Variants in UGT1A1 observed in about 807,000 individuals in gnomAD.
UGT1A1 encodes the protein UDP glucuronosyltransferase family 1 member A1.
Under a neutral mutation model 40.6 loss-of-function variants are expected in UGT1A1, and 33 were observed. That is an observed-to-expected ratio of 0.81 (90% CI 0.62 to 1.09). UGT1A1 has a LOEUF of 1.09. UGT1A1 is among the 50% of genes least tolerant of loss of function. UGT1A1 has a pLI of 0.00. For missense variants in UGT1A1, 694 were observed against 671.2 expected (o/e 1.03, Z -0.38); for synonymous variants, 249 against 265.0 (o/e 0.94, Z 0.59).
In UGT1A1 at chr2:233,760,964, T is replaced by C. The variant is rs1355767569; in HGVS notation, c.677T>C (p.Val226Ala). ...TCACAGAACTTTCTGTGCGACGTGGTTTATTCCCCGTATGCAACCCTTGCC... is the reference window on the plus strand; with the variant it reads ...TCACAGAACTTTCTGTGCGACGTGGCTTATTCCCCGTATGCAACCCTTGCC... ...AFSQNFLCDV[V>A]YSPYATLASE... The change falls in exon 1 of 5, where the codon GTT (valine) becomes GCT (alanine). Residue 226 changes from valine to alanine, a missense_variant. Coordinates refer to ENST00000305208, the MANE Select transcript of UGT1A1 (RefSeq NM_000463.3). The C allele has an allele frequency of 6.2e-7, 1 of 1,614,182 alleles. No individual in the cohort carries two copies. Among genetic ancestry groups the C allele is most frequent in the East Asian group, 2.2e-5 (1 of 44,880 alleles).
intron 1 of UGT1A1, among the ~76,000 whole-genome samples, chr2:233,764,916 G>T (rs906085592): frequency 6.6e-6 from 1 of 152,212 alleles, no homozygotes; most frequent in Non-Finnish European, 1.5e-5. Flanking sequence ...GAGGACTCAC[G>T]AGGGCCTGGG....
In UGT1A1 at chr2:233,767,938, T is replaced by G. The variant is rs779261748; in HGVS notation, c.1084+2T>G. The G allele has an allele frequency of 6.2e-7, 1 of 1,614,194 alleles. No individual in the cohort carries two copies. Among genetic ancestry groups the G allele is most frequent in the South Asian group, 1.1e-5 (1 of 91,090 alleles). ...GGCTACCCCAAAACGATCTGCTTGG[T>G]ATGTTGGGCGGATTGGATGTATAGG... On this transcript the variant is annotated splice_donor_variant, in intron 3 of 4. Transcript: ENST00000305208. LOFTEE classifies it high-confidence loss of function.
At position 233,769,432 on chromosome 2, in the gene UGT1A1, C is replaced by T; in HGVS notation, c.1304+993C>T. On this transcript the variant is annotated intron_variant, in intron 4 of 4. Transcript: ENST00000305208. The surrounding 1 kb of genome is among the most constrained non-coding windows in gnomAD (Gnocchi z 4.4). Reference sequence around the variant, plus strand: ...GTGCGTTTGTGCATGTGGCTGTGCTCATGTGTGGGTGCACACGTGTGCATT... The same window carrying T: ...GTGCGTTTGTGCATGTGGCTGTGCTTATGTGTGGGTGCACACGTGTGCATT... 2 of 1,545,990 alleles carry T rather than the reference C, an allele frequency of 1.3e-6. No homozygotes were observed. The highest frequency in any genetic ancestry group is 1.8e-6 in the Non-Finnish European group (2 of 1,125,632).
Position 233,772,243 on chromosome 2 carries a change from A to G in UGT1A1, c.1305-19A>G, listed in dbSNP as rs763747891. The stretch of plus-strand genomic sequence containing the variant: ...TACCACAGGTGTTCCAGGCATAACG[A>G]AACTGTCTTTGTGTTTAGTTACAAG... On this transcript the variant is annotated intron_variant, in intron 4 of 4. Coordinates refer to ENST00000305208, the MANE Select transcript of UGT1A1 (RefSeq NM_000463.3). 2 of 1,614,184 alleles carry G rather than the reference A, an allele frequency of 1.2e-6. No homozygotes were observed. The highest frequency in any genetic ancestry group is 1.7e-6 in the Non-Finnish European group (2 of 1,180,028).
rs192933567 is a variant in UGT1A1, at chr2:233,772,247, T to G, written c.1305-15T>G. On this transcript the variant is annotated splice_polypyrimidine_tract_variant and intron_variant, in intron 4 of 4. Transcript: ENST00000305208. ...ACAGGTGTTCCAGGCATAACGAAAC[T>G]GTCTTTGTGTTTAGTTACAAGGAGA... The G allele has an allele frequency of 2.9e-5, 47 of 1,614,208 alleles. No homozygotes were observed. The East Asian group carries it at 1.0e-3, about 35-fold the overall frequency.
Position 233,768,459 on chromosome 2 carries a change from A to G in UGT1A1, c.1304+20A>G, listed in dbSNP as rs746261768. ...CAAAAGGTAAGAAAGAAGATACAGA[A>G]GAATACTTTGGTCATGGCATTCATG... On this transcript the variant is annotated intron_variant, in intron 4 of 4. Transcript: ENST00000305208. 1.1e-5 allele frequency: 17 copies of G among 1,609,762 alleles called. No homozygotes were observed. In the South Asian group the frequency reaches 1.9e-4, roughly 18 times the overall value.
In UGT1A1 at chr2:233,768,384, G is replaced by A; in HGVS notation, c.1249G>A (p.Glu417Lys). 2 of 1,614,136 alleles carry A rather than the reference G, an allele frequency of 1.2e-6. No individual in the cohort carries two copies. Among genetic ancestry groups the A allele is most frequent in the Non-Finnish European group, 1.7e-6 (2 of 1,180,028 alleles). ...KGAGVTLNVLEMTSEDLENAL... is the reference protein window; with the variant it reads ...KGAGVTLNVLKMTSEDLENAL... ...AGCTGGAGTGACCCTGAATGTTCTGGAAATGACTTCTGAAGATTTAGAAAA... is the reference window on the plus strand; with the variant it reads ...AGCTGGAGTGACCCTGAATGTTCTGAAAATGACTTCTGAAGATTTAGAAAA... The change falls in exon 4 of 5, where the codon GAA becomes AAA. Residue 417 changes from glutamate (E) to lysine (K), a missense_variant. By Grantham distance (56) the Glu-to-Lys change is moderately conservative. Transcript: ENST00000305208.
rs375883067 is a variant in UGT1A1 at position 233,767,172 on chromosome 2, A to C, written c.996+7A>C. ...GGGCAAAATCCCTCAGACAGTAAGA[A>C]GATTCTATACCATGGCCTCATATCT... On this transcript the variant is annotated splice_region_variant and intron_variant, in intron 2 of 4. Coordinates refer to ENST00000305208, the MANE Select transcript of UGT1A1 (RefSeq NM_000463.3). 4 of 1,613,980 alleles carry C rather than the reference A, an allele frequency of 2.5e-6. No individual in the cohort carries two copies. In the African/African-American group the frequency reaches 5.3e-5, roughly 22 times the overall value.
chr2:233,760,974 G>C lies in UGT1A1; in HGVS notation c.687G>C (p.Pro229=). Residue 229 remains proline, a synonymous_variant, in exon 1 of 5, where the codon CCG becomes CCC. Coordinates refer to ENST00000305208, the MANE Select transcript of UGT1A1 (RefSeq NM_000463.3). ...TTCTGTGCGACGTGGTTTATTCCCC[G>C]TATGCAACCCTTGCCTCAGAATTCC... ...QNFLCDVVYS[P]YATLASEFLQ... 1 of 1,614,120 alleles carries C rather than the reference G, an allele frequency of 6.2e-7. No individual in the cohort carries two copies. The highest frequency in any genetic ancestry group is 8.5e-7 in the Non-Finnish European group (1 of 1,180,022).
rs2125987447 is a variant in UGT1A1 at position 233,760,740 on chromosome 2, C to T, written c.453C>T (p.Asp151=). The T allele has an allele frequency of 6.2e-7, 1 of 1,614,120 alleles. No homozygotes were observed. Among genetic ancestry groups the T allele is most frequent in the Non-Finnish European group, 8.5e-7 (1 of 1,179,994 alleles). Residue 151 remains aspartate (D), a synonymous_variant, in exon 1 of 5, where the codon GAC becomes GAT. Transcript: ENST00000305208. The stretch of plus-strand genomic sequence containing the variant: ...GCAGCTTTGATGTCATGCTGACGGA[C>T]CCTTTCCTTCCTTGCAGCCCCATCG... ...AESSFDVMLT[D]PFLPCSPIVA...
intron 2 of UGT1A1, 105 bp downstream of exon 2, chr2:233,767,270 C>T: frequency 6.3e-7 from 1 of 1,582,714 alleles, no homozygotes; most frequent in Non-Finnish European, 8.5e-7. Flanking sequence ...TTAGATTTGG[C>T]TTTTCCCTGC....
rs4148323 is a variant in UGT1A1, at chr2:233,760,498, G to A, written c.211G>A (p.Gly71Arg). The A allele has an allele frequency of 9.2e-3, 14,886 of 1,614,236 alleles. 811 individuals carry two copies. The East Asian group carries it at 0.16, about 18-fold the overall frequency. The change falls in exon 1 of 5, where the codon GGA becomes AGA. Residue 71 changes from glycine (G) to arginine (R), a missense_variant. By Grantham distance (125) the Gly-to-Arg change is moderately radical. Coordinates refer to ENST00000305208, the MANE Select transcript of UGT1A1 (RefSeq NM_000463.3). Reference sequence around the variant, plus strand: ...TGACGCCTCGTTGTACATCAGAGACGGAGCATTTTACACCTTGAAGACGTA... The same window carrying A: ...TGACGCCTCGTTGTACATCAGAGACAGAGCATTTTACACCTTGAAGACGTA... ...APDASLYIRD[G>R]AFYTLKTYPV...
At chr2:233,767,258 C>A in intron 2 of UGT1A1, 93 bp downstream of exon 2, 1 of 1,592,782 alleles carries the variant, frequency 6.3e-7, no homozygotes, top group Non-Finnish European at 8.5e-7. Flanking sequence ...TTAATTGGAA[C>A]CTTAGATTTG....
intron 1 of UGT1A1, among the ~76,000 whole-genome samples, chr2:233,766,563 T>C (rs533483088): frequency 6.6e-6 from 1 of 152,304 alleles, no homozygotes; most frequent in South Asian, 2.1e-4. Context: ...CCTAGGTCCA[T>C]GGGCACAGGT....
chr2:233,767,857 G>A lies in UGT1A1; in HGVS notation c.1005G>A (p.Trp335Ter), dbSNP rs1699508733. The change falls in exon 3 of 5, where the codon TGG becomes TGA. Residue 335 changes from tryptophan (W) to a stop codon, truncating the protein, a stop_gained. Coordinates refer to ENST00000305208, the MANE Select transcript of UGT1A1 (RefSeq NM_000463.3). LOFTEE classifies it high-confidence loss of function. ...ALGKIPQTVL[W>*]RYTGTRPSNL... Reference sequence around the variant, plus strand: ...CTTTTTGCCCCTCCCAGGTCCTGTGGCGGTACACTGGAACCCGACCATCGA... The same window carrying A: ...CTTTTTGCCCCTCCCAGGTCCTGTGACGGTACACTGGAACCCGACCATCGA... 6.2e-7 allele frequency: 1 copy of A among 1,613,994 alleles called. No homozygotes were observed. The highest frequency in any genetic ancestry group is 1.1e-5 in the South Asian group (1 of 91,076).
rs377501831 is a variant in UGT1A1, at chr2:233,767,899, G to A, written c.1047G>A (p.Thr349=). The A allele has an allele frequency of 2.4e-5, 38 of 1,614,024 alleles. No homozygotes were observed. Among genetic ancestry groups the A allele is most frequent in the Admixed American group, 8.3e-5 (5 of 59,994 alleles). ...GTRPSNLANN[T]ILVKWLPQND... ...GACCATCGAATCTTGCGAACAACAC[G>A]ATACTTGTTAAGTGGCTACCCCAAA... The change falls in exon 3 of 5, where the codon ACG becomes ACA. Residue 349 remains threonine (T), a synonymous_variant. Transcript: ENST00000305208.
rs769331263 is a variant in UGT1A1 at position 233,772,705 on chromosome 2, C to A, written c.*146C>A. 6.8e-7 allele frequency: 1 copy of A among 1,474,690 alleles called. No homozygotes were observed. The highest frequency in any genetic ancestry group is 2.5e-5 in the East Asian group (1 of 40,596). The allele number at this position is 1,474,690 out of a possible 1,614,324, so 91.4% of individuals were successfully genotyped here. On this transcript the variant is annotated 3_prime_UTR_variant, in exon 5 of 5. Coordinates refer to ENST00000305208, the MANE Select transcript of UGT1A1 (RefSeq NM_000463.3). Reference sequence around the variant, plus strand: ...CAGCCCCAGAGTGCTTTAAAAAATTCTCTTAAATAAAAATAATAGACTCGC... The same window carrying A: ...CAGCCCCAGAGTGCTTTAAAAAATTATCTTAAATAAAAATAATAGACTCGC...
In UGT1A1 at chr2:233,768,390, A is replaced by G. The variant is rs774573761; in HGVS notation, c.1255A>G (p.Thr419Ala). ...AGVTLNVLEM[T>A]SEDLENALKA... Reference sequence around the variant, plus strand: ...AGTGACCCTGAATGTTCTGGAAATGACTTCTGAAGATTTAGAAAATGCTCT... The same window carrying G: ...AGTGACCCTGAATGTTCTGGAAATGGCTTCTGAAGATTTAGAAAATGCTCT... The change falls in exon 4 of 5, where the codon ACT becomes GCT. Residue 419 changes from threonine (T) to alanine (A), a missense_variant. Thr to Ala is a moderately conservative substitution (Grantham distance 58, BLOSUM62 0). Coordinates refer to ENST00000305208, the MANE Select transcript of UGT1A1 (RefSeq NM_000463.3). The G allele has an allele frequency of 6.2e-7, 1 of 1,614,202 alleles. No homozygotes were observed. Among genetic ancestry groups the G allele is most frequent in the South Asian group, 1.1e-5 (1 of 91,080 alleles).
intron 4 of UGT1A1, 105 bp downstream of exon 4, chr2:233,768,544 T>TA: frequency 7.0e-7 from 1 of 1,425,890 alleles, no homozygotes; most frequent in East Asian, 2.6e-5. Flanking sequence ...GTTTCAAATA[T>TA]AAAAACAAAT....
Sources: gnomAD v4.1 joint callset for allele counts (sites outside exome capture counted in the v4.1 genomes callset) on GRCh38, gnomAD v4.1.1 for gene constraint, Gnocchi (gnomAD v3.1) non-coding constraint, MANE v1.5 for transcripts, NCBI Gene and HGNC (gene_info 2026-07-23, HGNC 2026-07-21) for gene names.